The following TEPSIN variants were observed in gnomAD, a reference collection of about 807,000 sequenced individuals.
TEPSIN encodes the protein AP-4 complex accessory subunit tepsin.
In TEPSIN, 50 loss-of-function variants were observed where a neutral mutation model predicts 48.5. That is an observed-to-expected ratio of 1.03 (90% CI 0.82 to 1.31). TEPSIN has a LOEUF of 1.31. Ranked by LOEUF, TEPSIN falls within the 50% of genes most tolerant of loss-of-function variation. The pLI is 0.00. For missense variants in TEPSIN, 838 were observed against 815.9 expected, an observed-to-expected ratio of 1.03 and a Z score of -0.33; for synonymous variants, 392 against 358.8, an observed-to-expected ratio of 1.09 and a Z score of -1.05.
At chr17:81,238,274 A>T in intron 1 of TEPSIN, 3 of 585,154 alleles carry the variant, frequency 5.1e-6, no homozygotes, top group Non-Finnish European at 4.3e-6. Context: ...TTTGCAGGTG[A>T]CAGCTGACAA....
At position 81,237,254 on chromosome 17, in the gene TEPSIN, C is replaced by A. The variant is rs2062739974; in HGVS notation, c.121+133G>T. The A allele has an allele frequency of 2.4e-6, 3 of 1,248,946 alleles. No individual in the cohort carries two copies. In the Admixed American group the frequency reaches 6.0e-5, roughly 25 times the overall value. The allele number at this position is 1,248,946 out of a possible 1,614,324, so 77.4% of individuals were successfully genotyped here. A position where few individuals can be genotyped will look rare whatever the true frequency, so the allele number is the denominator to read the frequency against. The stretch of plus-strand genomic sequence containing the variant: ...TCAGTATTGCAGCCTTCAGACCCCA[C>A]CCATGCCTGGTTACAATAATAAAGG... On this transcript the variant is annotated intron_variant, in intron 2 of 12. Coordinates refer to ENST00000637944, the MANE Select transcript of TEPSIN (RefSeq NM_001363764.2).
intron 3 of TEPSIN, 65 bp downstream of exon 3, chr17:81,236,915 G>A: frequency 3.3e-6 from 5 of 1,533,552 alleles, no homozygotes; most frequent in Non-Finnish European, 4.4e-6. Flanking sequence ...CCGCTCGTCT[G>A]CTCCTCCATC....
Position 81,232,672 on chromosome 17 carries a change from C to T in TEPSIN, c.527-154G>A, listed in dbSNP as rs1310385428. ...GAGGCCTCCTGGTGGGCCCCAGGCC[C>T]TCTGGAAGCTCCCAGTGGACTCCGC... is the stretch of plus-strand genomic sequence containing the variant. On this transcript the variant is annotated intron_variant, in intron 7 of 12. Transcript: ENST00000637944. 9.2e-6 allele frequency: 6 copies of T among 650,466 alleles called. No individual in the cohort carries two copies. The East Asian group carries it at 1.7e-4, about 18-fold the overall frequency. The allele number at this position is 650,466 out of a possible 1,614,324, so 40.3% of individuals were successfully genotyped here. A position where few individuals can be genotyped will look rare whatever the true frequency, so the allele number is the denominator to read the frequency against.
intron 9 of TEPSIN, 65 bp from the exon 10 acceptor site, chr17:81,231,756 G>A (rs1188851784): frequency 6.2e-7 from 1 of 1,607,446 alleles, no homozygotes; most frequent in South Asian, 1.1e-5. Flanking sequence ...GTCTCGCATG[G>A]GGGAGAACCT....
Position 81,232,034 on chromosome 17 carries a change from G to T in TEPSIN, c.731-13C>A. The T allele has an allele frequency of 6.2e-7, 1 of 1,602,850 alleles. No individual in the cohort carries two copies. On this transcript the variant is annotated splice_polypyrimidine_tract_variant and intron_variant, in intron 8 of 12. Coordinates refer to ENST00000637944, the MANE Select transcript of TEPSIN (RefSeq NM_001363764.2). ...TGATGCCTCACAGCTGGAGGAAACA[G>T]GACAGCCGGTGAGATCCCTGGGGCT...
rs1275783603 is a variant in TEPSIN at position 81,239,004 on chromosome 17, G to A, written c.30C>T (p.Arg10=). Residue 10 remains arginine (R), a synonymous_variant, in exon 1 of 13, where the codon CGC becomes CGT. Transcript: ENST00000637944. ...CACTCACCCGGTGTAGAAAGCTCAG[G>A]CGGTCCCGTAGCGGCGGCGCGGCAG... MAAAPPLRD[R]LSFLHRLPIL... 1.3e-6 allele frequency: 2 copies of A among 1,489,308 alleles called. No individual in the cohort carries two copies. The highest frequency in any genetic ancestry group is 2.9e-5 in the African/African-American group (2 of 68,618). 92.3% of individuals were successfully genotyped at this position (1,489,308 alleles called of 1,614,324 possible).
chr17:81,236,559 G>A (rs2062723992), intron 4 of TEPSIN, 149 bp downstream of exon 4: 2 of 849,044 alleles, frequency 2.4e-6, no homozygotes, highest in South Asian at 1.7e-5. Flanking sequence ...CCAGAGATGG[G>A]CCAGGATCAG....
Position 81,229,178 on chromosome 17 carries a change from C to T in TEPSIN, c.1532G>A (p.Arg511Gln), listed in dbSNP as rs759556964. 9 of 1,611,244 alleles carry T rather than the reference C, an allele frequency of 5.6e-6. No individual in the cohort carries two copies. The highest frequency in any genetic ancestry group is 5.0e-5 in the Admixed American group (3 of 59,716). ...EAEARLAESR[R>Q]WRPERIPGGT... ...CCCTGGGATCCGTTCAGGTCTCCAC[C>T]GCCTGCTTTCTGCCAGTCTGGCCTC... The change falls in exon 13 of 13, where the codon CGG (arginine) becomes CAG (glutamine). Residue 511 changes from arginine (R) to glutamine (Q), a missense_variant. Arg to Gln is a conservative substitution (Grantham distance 43). Coordinates refer to ENST00000637944, the MANE Select transcript of TEPSIN (RefSeq NM_001363764.2).
chr17:81,234,026 A>G lies in TEPSIN; in HGVS notation c.330T>C (p.Pro110=). 1 of 1,595,476 alleles carries G rather than the reference A, an allele frequency of 6.3e-7. No individual in the cohort carries two copies. The highest frequency in any genetic ancestry group is 8.5e-7 in the Non-Finnish European group (1 of 1,174,736). ...EAAAFAGPPD[P]LHGNSLYQKV... ...TCTGGTACAAGCTGTTCCCGTGCAG[A>G]GGATCTGGGGGCCCTGCAAAAGCTG... is the stretch of plus-strand genomic sequence containing the variant. Residue 110 remains proline, a synonymous_variant, in exon 5 of 13, where the codon CCT becomes CCC. Transcript: ENST00000637944. This position sits in a 1 kb window ranked among gnomAD's most constrained non-coding sequence, Gnocchi z 5.4.
chr17:81,230,637 G>A lies in TEPSIN; in HGVS notation c.1140C>T (p.Leu380=). 6 of 1,593,452 alleles carry A rather than the reference G, an allele frequency of 3.8e-6. No individual in the cohort carries two copies. The highest frequency in any genetic ancestry group is 5.1e-6 in the Non-Finnish European group (6 of 1,169,162). The change falls in exon 12 of 13, where the codon CTC becomes CTT. Residue 380 remains leucine (L), a synonymous_variant. Coordinates refer to ENST00000637944, the MANE Select transcript of TEPSIN (RefSeq NM_001363764.2). The surrounding 1 kb of genome is among the most constrained non-coding windows in gnomAD (Gnocchi z 4.2). ...CAIASLGSSD[L]LPQEHILLRT... ...GGAGGAGGATGTGCTCCTGGGGGAG[G>A]AGGTCGCTGCTCCCCAGGGAGGCGA...
Position 81,234,089 on chromosome 17 carries a change from T to C in TEPSIN, c.308-41A>G. ...GGCAAGTCGGGGGCAGGGCTGAGCC[T>C]GGCACCGCTGCTCCCTGTGGAGCAC... is the stretch of plus-strand genomic sequence containing the variant. On this transcript the variant is annotated intron_variant, in intron 4 of 12. Transcript: ENST00000637944. The surrounding 1 kb of genome is among the most constrained non-coding windows in gnomAD (Gnocchi z 5.4). 3.3e-6 allele frequency: 5 copies of C among 1,528,038 alleles called. 1 individual carries two copies. The South Asian group carries it at 3.8e-5, about 12-fold the overall frequency. 94.7% of individuals were successfully genotyped at this position (1,528,038 alleles called of 1,614,324 possible).
chr17:81,237,663 C>T (rs759173724), intron 1 of TEPSIN: 3 of 620,670 alleles, frequency 4.8e-6, no homozygotes, highest in South Asian at 2.0e-5. Context: ...TGAACAGCCT[C>T]GGAGAAGAGG....
At chr17:81,232,218 T>G (rs1230027633) in intron 8 of TEPSIN, 97 bp downstream of exon 8, 20 of 1,365,854 alleles carry the variant, frequency 1.5e-5, no homozygotes, top group Non-Finnish European at 1.9e-5. Flanking sequence ...TCCTGCTGTG[T>G]GGGAGGCCCT....
At position 81,233,868 on chromosome 17, in the gene TEPSIN, G is replaced by T; in HGVS notation, c.375+113C>A. 1 of 1,380,928 alleles carries T rather than the reference G, an allele frequency of 7.2e-7. No homozygotes were observed. Among genetic ancestry groups the T allele is most frequent in the Non-Finnish European group, 9.8e-7 (1 of 1,024,500 alleles). The allele number at this position is 1,380,928 out of a possible 1,614,324, so 85.5% of individuals were successfully genotyped here. A position where few individuals can be genotyped will look rare whatever the true frequency, so the allele number is the denominator to read the frequency against. ...CTGTGTCCACCAGCAAGGAGCAGAG[G>T]CAGGGGTCCCGGATGGGAGAACTGC... is the stretch of plus-strand genomic sequence containing the variant. On this transcript the variant is annotated intron_variant, in intron 5 of 12. Coordinates refer to ENST00000637944, the MANE Select transcript of TEPSIN (RefSeq NM_001363764.2). The surrounding 1 kb of genome is among the most constrained non-coding windows in gnomAD (Gnocchi z 5.8).
chr17:81,231,706 G>A lies in TEPSIN; in HGVS notation c.906-15C>T. 2 of 1,610,806 alleles carry A rather than the reference G, an allele frequency of 1.2e-6. No individual in the cohort carries two copies. Among genetic ancestry groups the A allele is most frequent in the South Asian group, 1.1e-5 (1 of 90,778 alleles). On this transcript the variant is annotated splice_polypyrimidine_tract_variant and intron_variant, in intron 9 of 12. Coordinates refer to ENST00000637944, the MANE Select transcript of TEPSIN (RefSeq NM_001363764.2). ...CCACCTCGACCCTGCCAGGGGGAAT[G>A]GCCGGGTCAAGGGTGAGTGGAGGCC...
rs1010494381 is a variant in TEPSIN at position 81,237,193 on chromosome 17, T to C, written c.122-122A>G. 9.0e-6 allele frequency: 11 copies of C among 1,215,764 alleles called. No homozygotes were observed. The Admixed American group carries it at 2.4e-4, about 26-fold the overall frequency. The allele number at this position is 1,215,764 out of a possible 1,614,324, so 75.3% of individuals were successfully genotyped here. A position where few individuals can be genotyped will look rare whatever the true frequency, so the allele number is the denominator to read the frequency against. ...GAGGCGCCTACTGGAGGCTCTGCCATCAGGAGCACCTGGGCTTCTAGGGTC... is the reference window on the plus strand; with the variant it reads ...GAGGCGCCTACTGGAGGCTCTGCCACCAGGAGCACCTGGGCTTCTAGGGTC... On this transcript the variant is annotated intron_variant, in intron 2 of 12. Coordinates refer to ENST00000637944, the MANE Select transcript of TEPSIN (RefSeq NM_001363764.2).
chr17:81,234,115 G>T lies in TEPSIN; in HGVS notation c.308-67C>A. 1 of 1,412,228 alleles carries T rather than the reference G, an allele frequency of 7.1e-7. No individual in the cohort carries two copies. Among genetic ancestry groups the T allele is most frequent in the Non-Finnish European group, 9.4e-7 (1 of 1,063,200 alleles). 87.5% of individuals were successfully genotyped at this position (1,412,228 alleles called of 1,614,324 possible). On this transcript the variant is annotated intron_variant, in intron 4 of 12. Transcript: ENST00000637944. The surrounding 1 kb of genome is among the most constrained non-coding windows in gnomAD (Gnocchi z 5.4). ...GGCACCGCTGCTCCCTGTGGAGCAC[G>T]GTGCCCTGGGCCCACTCCAGGGTGG...
Position 81,232,403 on chromosome 17 carries a change from G to C in TEPSIN, c.642C>G (p.Asp214Glu), listed in dbSNP as rs2062633967. The C allele has an allele frequency of 1.3e-6, 2 of 1,535,760 alleles. 1 individual carries two copies. The highest frequency in any genetic ancestry group is 2.4e-5 in the South Asian group (2 of 84,058). ...AAGGCATCATGGCAGGCTGGTAGGT[G>C]TCACCCCGCGGCAGGAGCCTCCGGG... ...PSTRRLLPRG[D>E]TYQPAMMPSA... The change falls in exon 8 of 13, where the codon GAC becomes GAG. Residue 214 changes from aspartate (D) to glutamate (E), a missense_variant. By Grantham distance (45) the Asp-to-Glu change is conservative. Transcript: ENST00000637944.
chr17:81,231,108 AC>A, intron 11 of TEPSIN: 1 of 537,442 alleles, frequency 1.9e-6, no homozygotes, highest in Non-Finnish European at 3.3e-6. Context: ...TACATACACA[AC>A]CACACACATG....
Sources: allele counts gnomAD v4.1 joint callset, GRCh38; gene constraint gnomAD v4.1.1; non-coding constraint Gnocchi (gnomAD v3.1); transcripts MANE v1.5; gene names NCBI Gene and HGNC (gene_info 2026-07-23, HGNC 2026-07-21).